CDYL: variants seen among roughly 807,000 people sequenced by gnomAD.
The protein encoded by CDYL is chromodomain Y-like protein.
A neutral mutation model predicts 47.3 loss-of-function variants in CDYL; 8 were observed. The observed-to-expected ratio is 0.17, with a 90% CI of 0.10 to 0.31. CDYL has a LOEUF of 0.31. CDYL is among the 10% of genes least tolerant of loss of function. CDYL has a pLI of 1.00. For missense variants in CDYL, 471 were observed against 701.4 expected (o/e 0.67, Z 3.71); for synonymous variants, 266 against 265.0 (o/e 1.00, Z -0.04).
intron 1 of CDYL, among the ~76,000 whole-genome samples, chr6:4,876,780 A>G (rs899530281): frequency 1.3e-5 from 2 of 152,206 alleles, no homozygotes; most frequent in Admixed American, 1.3e-4. Flanking sequence ...TATATTTTGC[A>G]TGTGGGAATG....
Position 4,884,351 on chromosome 6 carries a change from C to G in CDYL, c.25-7362C>G, listed in dbSNP as rs147095595. ...AGGTCAGGATTTTAGTTTGGCTCAT[C>G]ATGATAATTGGAGTCCTGTTGATAG... On this transcript the variant is annotated intron_variant, in intron 1 of 6. Coordinates refer to ENST00000397588, the MANE Select transcript of CDYL (RefSeq NM_004824.4). Among the ~76,000 whole-genome samples the G allele has an allele frequency of 3.3e-3, 500 of 152,274 alleles. 1 individual carries two copies. The highest frequency in any genetic ancestry group is 5.0e-3 in the Non-Finnish European group (338 of 68,024).
chr6:4,719,136 G>A (rs950803058), intron 2 of CDYL, among the ~76,000 whole-genome samples: 27 of 151,944 alleles, frequency 1.8e-4, no homozygotes, highest in African/African-American at 6.5e-4. Context: ...TGTTGGCCAG[G>A]CTGGTCTCGA....
intron 3 of CDYL, among the ~76,000 whole-genome samples, chr6:4,769,921 C>A (rs1758310717): frequency 6.6e-6 from 1 of 152,022 alleles, no homozygotes; most frequent in Non-Finnish European, 1.5e-5. Context: ...CTCAGCCTCC[C>A]AAGTAGCGGG....
Position 4,954,045 on chromosome 6 carries a change from G to C in CDYL, c.1624G>C (p.Asp542His). Residue 542 changes from aspartate to histidine, a missense_variant, in exon 7 of 7, where the codon GAT becomes CAT. Asp to His is a moderately conservative substitution (Grantham distance 81). Transcript: ENST00000397588. ...SMLKYLQRKI[D>H]EF is the part of the protein sequence containing the mutation. The stretch of plus-strand genomic sequence containing the variant: ...GTTAAAGTACTTGCAGAGGAAGATC[G>C]ATGAGTTCTGAGTGTCGGGCTGCCC... The C allele has an allele frequency of 6.2e-7, 1 of 1,613,848 alleles. No individual in the cohort carries two copies. The highest frequency in any genetic ancestry group is 8.5e-7 in the Non-Finnish European group (1 of 1,179,912).
rs1055048481 is a variant in CDYL at position 4,793,721 on chromosome 6, A to G, written c.24+16914A>G. The stretch of plus-strand genomic sequence containing the variant: ...GGTGGTTTGAAACCCAGGTGGTGAC[A>G]TTGGGAGGTAGTAAGGAGTGATTGC... On this transcript the variant is annotated intron_variant, in intron 1 of 6. Coordinates refer to ENST00000397588, the MANE Select transcript of CDYL (RefSeq NM_004824.4). 5.9e-5 allele frequency among the ~76,000 whole-genome samples: 9 copies of G among 152,194 alleles called. No individual in the cohort carries two copies. In the East Asian group the frequency reaches 7.7e-4, roughly 13 times the overall value.
intron 1 of CDYL, among the ~76,000 whole-genome samples, chr6:4,711,530 A>C (rs1205047670): frequency 6.6e-6 from 1 of 152,148 alleles, no homozygotes; most frequent in African/African-American, 2.4e-5. Flanking sequence ...AGCCCAGAGA[A>C]CAGCACAGAA....
upstream of CDYL, chr6:4,773,027 TTTAG>T (rs1435041887): frequency 4.8e-6 from 2 of 418,684 alleles, no homozygotes; most frequent in South Asian, 1.7e-5. This position sits in a 1 kb window ranked among gnomAD's most constrained non-coding sequence, Gnocchi z 4.6. Context: ...GATTTCAGGT[TTTAG>T]TTATCATTCT....
chr6:4,707,169 G>A (rs557651939), intron 1 of CDYL, among the ~76,000 whole-genome samples: 9 of 152,352 alleles, frequency 5.9e-5, no homozygotes, highest in African/African-American at 2.2e-4. Context: ...CCCCAGGGGT[G>A]TATTCCTGTC....
chr6:4,837,393 G>A (rs944703460), intron 1 of CDYL, among the ~76,000 whole-genome samples: 2 of 151,654 alleles, frequency 1.3e-5, no homozygotes, highest in African/African-American at 2.4e-5. Context: ...TGAAGTAAAC[G>A]TCAGTGCGTT....
intron 1 of CDYL, among the ~76,000 whole-genome samples, chr6:4,831,913 G>C (rs1234863084): frequency 2.0e-5 from 3 of 151,802 alleles, no homozygotes; most frequent in East Asian, 3.9e-4. Flanking sequence ...TGTGATTTTT[G>C]TACATTGATT....
At chr6:4,737,683 C>T (rs1052771366) in intron 3 of CDYL, among the ~76,000 whole-genome samples, 3 of 151,904 alleles carry the variant, frequency 2.0e-5, no homozygotes, top group Non-Finnish European at 2.9e-5. Flanking sequence ...TGCACCACCA[C>T]GCCTGGCTAA....
chr6:4,929,099 T>C (rs1056341164), intron 2 of CDYL, among the ~76,000 whole-genome samples: 3 of 152,212 alleles, frequency 2.0e-5, no homozygotes, highest in Non-Finnish European at 4.4e-5. Flanking sequence ...TGAAGAACAT[T>C]TTTTAACATT....
At chr6:4,906,521 G>GCCCA (rs1757241659) in intron 2 of CDYL, among the ~76,000 whole-genome samples, 1 of 152,202 alleles carries the variant, frequency 6.6e-6, no homozygotes, top group African/African-American at 2.4e-5. Context: ...GGACCACACA[G>GCCCA]CCCAGACCAG....
At chr6:4,871,997 T>A (rs1038528447) in intron 1 of CDYL, among the ~76,000 whole-genome samples, 5 of 152,214 alleles carry the variant, frequency 3.3e-5, no homozygotes, top group African/African-American at 9.6e-5. Context: ...CCAGAGCTGT[T>A]GTATTCTGGT....
rs1758892122 is a variant in CDYL at position 4,790,590 on chromosome 6, TA to T, written c.24+13786del. Among the ~76,000 whole-genome samples, 3 of 152,318 alleles carry T rather than the reference TA, an allele frequency of 2.0e-5. 1 individual carries two copies. In the South Asian group the frequency reaches 6.2e-4, roughly 32 times the overall value. ...AAGCAGAACACAGAGCAGACTTGACTAAAGCAATGACATTTTGTAATGTAGC... is the reference window on the plus strand; with the variant it reads ...AAGCAGAACACAGAGCAGACTTGACTAAGCAATGACATTTTGTAATGTAGC... On this transcript the variant is annotated intron_variant, in intron 1 of 6. Transcript: ENST00000397588.
In CDYL at chr6:4,844,945, CT is replaced by C. The variant is rs1760610768; in HGVS notation, c.25-46764del. 3.3e-5 allele frequency among the ~76,000 whole-genome samples: 5 copies of C among 152,046 alleles called. 1 individual carries two copies. The South Asian group carries it at 1.0e-3, about 32-fold the overall frequency. ...TGTCAAATAAATTGCCTTTTTCATTCTTTTGAATCTTTTGCTAAATTTAGAT... is the reference window on the plus strand; with the variant it reads ...TGTCAAATAAATTGCCTTTTTCATTCTTTGAATCTTTTGCTAAATTTAGAT... On this transcript the variant is annotated intron_variant, in intron 1 of 6. Coordinates refer to ENST00000397588, the MANE Select transcript of CDYL (RefSeq NM_004824.4).
intron 1 of CDYL, among the ~76,000 whole-genome samples, chr6:4,846,128 A>G (rs186823692): frequency 6.6e-6 from 1 of 152,108 alleles, no homozygotes; most frequent in Non-Finnish European, 1.5e-5. Flanking sequence ...CAATTTTATA[A>G]ATGCAAATTC....
rs1279384635 is a variant in CDYL, at chr6:4,830,112, T to C, written c.24+53305T>C. ...TGCCCCTGTCTGTACATCTGAATGG[T>C]TGTGGTGGAAAGTCACTGACAATTT... is the stretch of plus-strand genomic sequence containing the variant. On this transcript the variant is annotated intron_variant, in intron 1 of 6. Coordinates refer to ENST00000397588, the MANE Select transcript of CDYL (RefSeq NM_004824.4). 2.6e-5 allele frequency among the ~76,000 whole-genome samples: 4 copies of C among 152,238 alleles called. No individual in the cohort carries two copies. The East Asian group carries it at 7.7e-4, about 29-fold the overall frequency.
intron 2 of CDYL, among the ~76,000 whole-genome samples, chr6:4,918,697 T>G (rs1259009571): frequency 6.6e-6 from 1 of 152,256 alleles, no homozygotes; most frequent in African/African-American, 2.4e-5. Context: ...TGGAGTTCAC[T>G]TTTAAGGATT....
Sources: allele counts gnomAD v4.1 joint callset (sites outside exome capture counted in the v4.1 genomes callset), GRCh38; gene constraint gnomAD v4.1.1; non-coding constraint Gnocchi (gnomAD v3.1); transcripts MANE v1.5; gene names NCBI Gene and HGNC (gene_info 2026-07-23, HGNC 2026-07-21).